TASP1: variants seen among roughly 807,000 people sequenced by gnomAD.
The protein encoded by TASP1 is taspase 1, also known as threonine aspartase 1.
TASP1 carries 16 observed loss-of-function variants against 56.6 expected under a neutral mutation model. That is an observed-to-expected ratio of 0.28 (90% CI 0.19 to 0.43). The LOEUF is 0.43. Among genes scored for constraint, TASP1 ranks in the 20% least tolerant of loss-of-function variants. The probability of loss-of-function intolerance (pLI) is 1.00; values close to 1 mark genes in which losing one functional copy is unlikely to be tolerated. For synonymous variants in TASP1, 179 were observed against 184.2 expected, an observed-to-expected ratio of 0.97 and a Z score of 0.23; for missense variants, 393 against 511.6, an observed-to-expected ratio of 0.77 and a Z score of 2.24.
chr20:13,154,261 G>C, the TASP1 span: 12 of 1,282,520 alleles, frequency 9.4e-6, no homozygotes, highest in Non-Finnish European at 1.2e-5. Context: ...TCACTCGTAC[G>C]GCTTCTCGGA....
chr20:13,392,658 C>T (rs62209012), intron 13 of TASP1: 3 of 444,468 alleles, frequency 6.7e-6, no homozygotes, highest in Non-Finnish European at 1.3e-5. Context: ...TCTTCTCATG[C>T]AGTGCTAGCC....
chr20:13,395,697 T>C (rs373206212), intron 13 of TASP1, among the ~76,000 whole-genome samples: 13 of 151,420 alleles, frequency 8.6e-5, no homozygotes, highest in African/African-American at 2.2e-4. Flanking sequence ...AGCTTTCTTT[T>C]TTTTTTTTTT....
chr20:13,577,030 T>G (rs182861364), intron 6 of TASP1, among the ~76,000 whole-genome samples: 2 of 152,116 alleles, frequency 1.3e-5, no homozygotes, highest in Non-Finnish European at 2.9e-5. Context: ...CAAAGAAAAT[T>G]AGAGTATTGT....
chr20:13,484,484 C>G (rs1380521519), intron 10 of TASP1, among the ~76,000 whole-genome samples: 3 of 152,014 alleles, frequency 2.0e-5, no homozygotes, highest in African/African-American at 7.2e-5. Context: ...CCTGTAATCC[C>G]AACACTTTGG....
the TASP1 span, among the ~76,000 whole-genome samples, chr20:13,283,513 G>A: frequency 6.6e-6 from 1 of 152,066 alleles, no homozygotes; most frequent in Non-Finnish European, 1.5e-5. Context: ...GGATACAATG[G>A]CATCTGTAGA....
chr20:13,529,819 C>A (rs1229419238), intron 9 of TASP1, among the ~76,000 whole-genome samples: 1 of 152,106 alleles, frequency 6.6e-6, no homozygotes, highest in Non-Finnish European at 1.5e-5. Flanking sequence ...TATTTTTTTA[C>A]AAGGATCTTA....
At chr20:13,627,480 G>T (rs747901374) in intron 2 of TASP1, among the ~76,000 whole-genome samples, 1 of 152,096 alleles carries the variant, frequency 6.6e-6, no homozygotes, top group Admixed American at 6.6e-5. Flanking sequence ...AGCTGGGCAC[G>T]GTGGCTCATG....
Position 13,394,307 on chromosome 20 carries a change from C to CAAAAAAAAAAAAAA in TASP1, c.1171-3869_1171-3856dup, listed in dbSNP as rs57418361. ...GCCACTGCACTACAGCACTCCCTCT[C>CAAAAAAAAAAAAAA]AAAAAAAAAAAAAAAAAAAAAGGCC... On this transcript the variant is annotated intron_variant, in intron 13 of 13. Transcript: ENST00000337743. Among the ~76,000 whole-genome samples the CAAAAAAAAAAAAAA allele has an allele frequency of 4.2e-4, 18 of 42,952 alleles. 1 individual carries two copies. The highest frequency in any genetic ancestry group is 1.6e-3 in the African/African-American group (17 of 10,880). 28.2% of individuals were successfully genotyped at this position (42,952 alleles called of 152,430 possible).
the TASP1 span, among the ~76,000 whole-genome samples, chr20:13,192,682 C>A: frequency 6.6e-6 from 1 of 151,942 alleles, no homozygotes; most frequent in African/African-American, 2.4e-5. Context: ...TACAGGCACG[C>A]ACCACCACGC....
At chr20:13,206,549 G>C in the TASP1 span, among the ~76,000 whole-genome samples, 2 of 152,102 alleles carry the variant, frequency 1.3e-5, no homozygotes, top group Admixed American at 6.5e-5. Flanking sequence ...CTCATGGAGA[G>C]TCCAGTGCAG....
intron 10 of TASP1, among the ~76,000 whole-genome samples, chr20:13,483,739 T>C (rs2043222880): frequency 6.6e-6 from 1 of 152,188 alleles, no homozygotes; most frequent in South Asian, 2.1e-4. Flanking sequence ...TTTCAGGACA[T>C]AGGCATGGGC....
chr20:13,223,743 A>G, the TASP1 span, among the ~76,000 whole-genome samples: 13 of 152,296 alleles, frequency 8.5e-5, no homozygotes, highest in Middle Eastern at 3.4e-3. Context: ...CCACCATCCT[A>G]TAGACTGGGG....
intron 10 of TASP1, among the ~76,000 whole-genome samples, chr20:13,525,711 G>A (rs2044949629): frequency 6.6e-6 from 1 of 152,088 alleles, no homozygotes; most frequent in African/African-American, 2.4e-5. Flanking sequence ...CCTTTCTTCT[G>A]ACTTGATCAC....
At chr20:13,335,467 A>G in the TASP1 span, among the ~76,000 whole-genome samples, 2 of 152,140 alleles carry the variant, frequency 1.3e-5, no homozygotes, top group African/African-American at 4.8e-5. Context: ...TGAAGTTTGG[A>G]GAAAAGCCCC....
At chr20:13,454,510 G>A (rs6079072) in intron 11 of TASP1, among the ~76,000 whole-genome samples, 53,782 of 151,996 alleles carry the variant, frequency 0.35, 10,330 homozygotes, top group Non-Finnish European at 0.43. Flanking sequence ...AGTGGGACAA[G>A]AAGAAACATG....
chr20:13,186,707 T>C, the TASP1 span, among the ~76,000 whole-genome samples: 310 of 152,266 alleles, frequency 2.0e-3, 1 homozygote, highest in African/African-American at 7.1e-3. Flanking sequence ...AAAACAAGGA[T>C]ACTAGAAGAA....
At chr20:13,288,555 A>G in the TASP1 span, 7 of 1,613,808 alleles carry the variant, frequency 4.3e-6, no homozygotes, top group Non-Finnish European at 5.9e-6. Context: ...ACAGATGGCG[A>G]GGGTGACTGG....
the TASP1 span, among the ~76,000 whole-genome samples, chr20:13,382,527 TC>T: frequency 6.6e-6 from 1 of 152,132 alleles, no homozygotes; most frequent in Non-Finnish European, 1.5e-5. Flanking sequence ...ACACCTGTAG[TC>T]CCAGCTAGTT....
intron 10 of TASP1, among the ~76,000 whole-genome samples, chr20:13,508,017 A>G (rs2044192910): frequency 6.6e-6 from 1 of 152,164 alleles, no homozygotes; most frequent in South Asian, 2.1e-4. Context: ...AAAAAACTGA[A>G]TATCTACGTG....
Sources: gnomAD v4.1 joint callset for allele counts (sites outside exome capture counted in the v4.1 genomes callset) on GRCh38, gnomAD v4.1.1 for gene constraint, MANE v1.5 for transcripts, NCBI Gene and HGNC (gene_info 2026-07-23, HGNC 2026-07-21) for gene names.